Variants in PCDHGA3 observed in about 807,000 individuals in gnomAD.
PCDHGA3 encodes the protein protocadherin gamma subfamily A, 3.
A neutral mutation model predicts 58.5 loss-of-function variants in PCDHGA3; 40 were observed. The ratio of observed to expected loss-of-function variants is 0.68; its 90% CI spans 0.53 to 0.89. The LOEUF (loss-of-function observed/expected upper bound fraction) is 0.89, where lower values mean the gene tolerates loss of function less well. PCDHGA3 is among the 40% of genes least tolerant of loss of function. The probability of loss-of-function intolerance (pLI) is 0.00; values close to 1 mark genes in which losing one functional copy is unlikely to be tolerated. For missense variants in PCDHGA3, 1,223 were observed against 1,195.9 expected (o/e 1.02, Z -0.33); for synonymous variants, 530 against 525.7 (o/e 1.01, Z -0.11).
Position 141,491,466 on chromosome 5 carries a change from T to G in PCDHGA3, c.2425-3341T>G. The G allele has an allele frequency of 6.2e-7, 1 of 1,614,068 alleles. No individual in the cohort carries two copies. Among genetic ancestry groups the G allele is most frequent in the Non-Finnish European group, 8.5e-7 (1 of 1,179,986 alleles). ...AGGACTCACCCTCCCCGGACTTCTA[T>G]AAGCAGTCCAGCCCCAACCTGCAGG... On this transcript the variant is annotated intron_variant, in intron 1 of 3. Coordinates refer to ENST00000253812, the MANE Select transcript of PCDHGA3 (RefSeq NM_018916.4). This position sits in a 1 kb window ranked among gnomAD's most constrained non-coding sequence, Gnocchi z 6.9.
rs369141362 is a variant in PCDHGA3 at position 141,404,800 on chromosome 5, C to T, written c.2424+58343C>T. The T allele has an allele frequency of 1.8e-5, 29 of 1,613,852 alleles. No homozygotes were observed. The Admixed American group carries it at 3.3e-4, about 19-fold the overall frequency. On this transcript the variant is annotated intron_variant, in intron 1 of 3. Transcript: ENST00000253812. ...TATTCAAGGCCAGTGAGCCAGGGCT[C>T]TTCTCGGTGGGGCTGCACACAGGTG... is the stretch of plus-strand genomic sequence containing the variant.
rs371280575 is a variant in PCDHGA3 at position 141,393,339 on chromosome 5, C to T, written c.2424+46882C>T. ...CCAGAGCTACCAGCTCAGCCCCAAT[C>T]ACCACTTCTCCCTGGACGTGCAGAC... On this transcript the variant is annotated intron_variant, in intron 1 of 3. Coordinates refer to ENST00000253812, the MANE Select transcript of PCDHGA3 (RefSeq NM_018916.4). 109 of 1,613,800 alleles carry T rather than the reference C, an allele frequency of 6.8e-5. No individual in the cohort carries two copies. The highest frequency in any genetic ancestry group is 9.2e-5 in the Non-Finnish European group (109 of 1,179,890).
chr5:141,383,513 A>T, intron 1 of PCDHGA3: 1 of 1,612,722 alleles, frequency 6.2e-7, no homozygotes, highest in South Asian at 1.1e-5. Flanking sequence ...CGGGAGGAAG[A>T]GCGGGTTCAC....
chr5:141,456,835 C>T (rs1261094365), intron 1 of PCDHGA3, among the ~76,000 whole-genome samples: 3 of 152,000 alleles, frequency 2.0e-5, no homozygotes, highest in African/African-American at 4.8e-5. Flanking sequence ...TGGTAGTGGG[C>T]GCCTGTAATC....
chr5:141,357,461 C>T lies in PCDHGA3; in HGVS notation c.2424+11004C>T, dbSNP rs1157643001. The T allele has an allele frequency of 1.9e-6, 3 of 1,614,090 alleles. No homozygotes were observed. In the Admixed American group the frequency reaches 5.0e-5, roughly 27 times the overall value. ...GTTCGGGCTTTCCTGCAGACCTATT[C>T]CCACGAGGTCTCCCTCACCGCGGAC... is the stretch of plus-strand genomic sequence containing the variant. On this transcript the variant is annotated intron_variant, in intron 1 of 3. Coordinates refer to ENST00000253812, the MANE Select transcript of PCDHGA3 (RefSeq NM_018916.4).
At chr5:141,427,396 A>G (rs1303085720) in intron 1 of PCDHGA3, 1 of 460,578 alleles carries the variant, frequency 2.2e-6, no homozygotes, top group Non-Finnish European at 4.4e-6. Context: ...AAAACACATG[A>G]TAAAGATTCG....
At chr5:141,435,800 A>G (rs530461064) in intron 1 of PCDHGA3, among the ~76,000 whole-genome samples, 20 of 152,128 alleles carry the variant, frequency 1.3e-4, no homozygotes, top group Non-Finnish European at 2.6e-4. Flanking sequence ...ATAACGTCCC[A>G]ATTATTTTTT....
chr5:141,363,913 T>C (rs2149851693), intron 1 of PCDHGA3, among the ~76,000 whole-genome samples: 1 of 152,252 alleles, frequency 6.6e-6, no homozygotes, highest in East Asian at 1.9e-4. Context: ...AAATAAAATT[T>C]TTGTAAGGTA....
intron 1 of PCDHGA3, chr5:141,415,390 G>A (rs1191160575): frequency 1.2e-6 from 2 of 1,614,224 alleles, no homozygotes; most frequent in South Asian, 2.2e-5. Flanking sequence ...CTTGACAGGT[G>A]TGTCCGGCTC....
chr5:141,468,801 A>G (rs949203275), intron 1 of PCDHGA3, among the ~76,000 whole-genome samples: 15 of 151,736 alleles, frequency 9.9e-5, no homozygotes, highest in South Asian at 2.1e-4. Context: ...GGGAGGCGGA[A>G]CTTGCAGTGA....
chr5:141,381,355 C>A (rs1431564536), intron 1 of PCDHGA3, among the ~76,000 whole-genome samples: 1 of 152,222 alleles, frequency 6.6e-6, no homozygotes, highest in Non-Finnish European at 1.5e-5. Flanking sequence ...TTTCTGCTAG[C>A]AGAGGGTAGC....
At chr5:141,496,076 C>A (rs2099765713) in intron 2 of PCDHGA3, among the ~76,000 whole-genome samples, 1 of 152,010 alleles carries the variant, frequency 6.6e-6, no homozygotes, top group Non-Finnish European at 1.5e-5. Context: ...GCACACACAA[C>A]CCCCCACCCA....
intron 1 of PCDHGA3, chr5:141,356,524 G>A: frequency 6.2e-7 from 1 of 1,614,098 alleles, no homozygotes; most frequent in South Asian, 1.1e-5. Flanking sequence ...TTCACTGCAA[G>A]TGATGGACAT....
intron 1 of PCDHGA3, chr5:141,371,737 A>G (rs762168645): frequency 6.2e-7 from 1 of 1,614,038 alleles, no homozygotes; most frequent in South Asian, 1.1e-5. Context: ...GTCAACGACA[A>G]CGTTCCCGTT....
chr5:141,434,449 G>C (rs1392115883), intron 1 of PCDHGA3, among the ~76,000 whole-genome samples: 1 of 152,232 alleles, frequency 6.6e-6, no homozygotes, highest in Non-Finnish European at 1.5e-5. Context: ...ATGCTGGAAG[G>C]TAGTGGGTTT....
At chr5:141,420,256 TAAG>T (rs749213635) in intron 1 of PCDHGA3, 12 of 1,569,010 alleles carry the variant, frequency 7.6e-6, no homozygotes, top group South Asian at 1.2e-5. Context: ...TTGAAGCAGA[TAAG>T]AAGATTCTTA....
At chr5:141,388,658 G>T in intron 1 of PCDHGA3, 7 of 1,613,908 alleles carry the variant, frequency 4.3e-6, no homozygotes, top group Non-Finnish European at 5.9e-6. Context: ...TGTACCCGGG[G>T]ACCACGGTGC....
At chr5:141,399,501 C>G in intron 1 of PCDHGA3, 1 of 1,614,030 alleles carries the variant, frequency 6.2e-7, no homozygotes, top group South Asian at 1.1e-5. Flanking sequence ...TCAGTGTACC[C>G]GAAAACAACC....
At chr5:141,447,283 G>T (rs1194678678) in intron 1 of PCDHGA3, among the ~76,000 whole-genome samples, 1 of 152,122 alleles carries the variant, frequency 6.6e-6, no homozygotes, top group East Asian at 1.9e-4. Context: ...GGGACTACAG[G>T]CACATGCCAC....
Sources: gnomAD v4.1 joint callset for allele counts (sites outside exome capture counted in the v4.1 genomes callset) on GRCh38, gnomAD v4.1.1 for gene constraint, Gnocchi (gnomAD v3.1) non-coding constraint, MANE v1.5 for transcripts, NCBI Gene and HGNC (gene_info 2026-07-23, HGNC 2026-07-21) for gene names.